The following SLC25A48 variants were observed in gnomAD, a reference collection of about 807,000 sequenced individuals.
SLC25A48 encodes the protein CTC-321K16.1.
A neutral mutation model predicts 32.2 loss-of-function variants in SLC25A48; 29 were observed. That is an observed-to-expected ratio of 0.90 (90% confidence interval 0.67 to 1.23). The LOEUF (loss-of-function observed/expected upper bound fraction) is 1.23. SLC25A48 is among the 50% of genes most tolerant of loss of function. SLC25A48 has a pLI of 0.00. For synonymous variants in SLC25A48, 164 were observed against 172.3 expected (o/e 0.95, Z 0.38); for missense variants, 399 against 422.7 (o/e 0.94, Z 0.49).
chr5:135,655,476 G>A (rs1467726079), intron 3 of SLC25A48, among the ~76,000 whole-genome samples: 1 of 152,088 alleles, frequency 6.6e-6, no homozygotes, highest in Non-Finnish European at 1.5e-5. Flanking sequence ...TTTGTCTATC[G>A]CGTCTAATTC....
rs1240317103 is a variant in SLC25A48 at position 135,779,513 on chromosome 5, G to GCACTCTAATAA, written c.-520-33010_-520-33009insCACTCTAATAA. ...GATGATATTACTCCCAATATTGCAG[G>GCACTCTAATAA]GGGTGTACATGCCCCCCTGTGATAT... On this transcript the variant is annotated intron_variant, in intron 3 of 10. Coordinates refer to the SLC25A48 transcript ENST00000646290. Among the ~76,000 whole-genome samples the GCACTCTAATAA allele has an allele frequency of 8.6e-3, 1,038 of 120,548 alleles. 92 individuals are homozygous for GCACTCTAATAA. The highest frequency in any genetic ancestry group is 0.022 in the Middle Eastern group (5 of 224). 79.1% of individuals were successfully genotyped at this position (120,548 alleles called of 152,430 possible).
chr5:135,770,037 T>A (rs1756363085), intron 3 of SLC25A48, among the ~76,000 whole-genome samples: 1 of 151,436 alleles, frequency 6.6e-6, no homozygotes, highest in African/African-American at 2.4e-5. Flanking sequence ...TTACTCCCAA[T>A]ATTGAAAGGA....
intron 3 of SLC25A48, among the ~76,000 whole-genome samples, chr5:135,696,119 A>T (rs557775801): frequency 3.7e-4 from 57 of 152,352 alleles, no homozygotes; most frequent in African/African-American, 1.3e-3. Flanking sequence ...CAACACATGC[A>T]CAGAAAGTGC....
At chr5:135,747,230 A>G (rs536755512) in intron 3 of SLC25A48, among the ~76,000 whole-genome samples, 5 of 151,756 alleles carry the variant, frequency 3.3e-5, no homozygotes, top group Admixed American at 6.6e-5. Flanking sequence ...TTGATGTAAT[A>G]TATATAACTA....
rs62364741 is a variant in SLC25A48, at chr5:135,858,737, G to A, written c.421+5916G>A. Among the ~76,000 whole-genome samples, 913 of 152,332 alleles carry A rather than the reference G, an allele frequency of 6.0e-3. 3 individuals carry two copies. The highest frequency in any genetic ancestry group is 0.013 in the South Asian group (64 of 4,830). ...AACATTGGGCCACCTGGGCCTTTGC[G>A]CAAAATTGTCATGCACACAAATAGC... On this transcript the variant is annotated intron_variant, in intron 4 of 7. Transcript: ENST00000681962.
intron 3 of SLC25A48, among the ~76,000 whole-genome samples, chr5:135,708,982 A>C (rs773268671): frequency 8.5e-5 from 13 of 152,186 alleles, no homozygotes; most frequent in Non-Finnish European, 1.8e-4. Flanking sequence ...TAGTGTTTTT[A>C]TTTAGGCTGC....
chr5:135,871,784 T>G, intron 5 of SLC25A48, 66 bp downstream of exon 5: 1 of 1,592,766 alleles, frequency 6.3e-7, no homozygotes. Context: ...GCTGGGGAAC[T>G]GCCATGCCCT....
chr5:135,683,728 CTAG>C (rs1435802943), intron 3 of SLC25A48, among the ~76,000 whole-genome samples: 4 of 152,204 alleles, frequency 2.6e-5, no homozygotes, highest in African/African-American at 9.7e-5. Context: ...CTTACAGTTT[CTAG>C]TCCTTCTAAT....
At chr5:135,580,404 G>A (rs1751205285) in intron 1 of SLC25A48, among the ~76,000 whole-genome samples, 3 of 152,210 alleles carry the variant, frequency 2.0e-5, no homozygotes, top group South Asian at 4.1e-4. Context: ...TATGCCATCA[G>A]CCTGGCAGTT....
intron 1 of SLC25A48, among the ~76,000 whole-genome samples, chr5:135,594,419 C>G (rs1216884809): frequency 6.6e-6 from 1 of 152,166 alleles, no homozygotes; most frequent in African/African-American, 2.4e-5. Flanking sequence ...AGGACTCTGG[C>G]GCCAGAGAAC....
intron 1 of SLC25A48, among the ~76,000 whole-genome samples, chr5:135,583,008 G>A (rs1751267981): frequency 6.6e-6 from 1 of 152,180 alleles, no homozygotes; most frequent in African/African-American, 2.4e-5. Flanking sequence ...GTGTCTGTGG[G>A]TGTCTGTCTT....
intron 3 of SLC25A48, among the ~76,000 whole-genome samples, chr5:135,679,213 T>C (rs919257542): frequency 2.6e-4 from 40 of 151,982 alleles, no homozygotes; most frequent in Non-Finnish European, 4.9e-4. Context: ...AGGTGGGACA[T>C]GTGGGTGGGT....
At position 135,750,375 on chromosome 5, in the gene SLC25A48, T is replaced by C. The variant is rs1353603749; in HGVS notation, c.-520-62148T>C. On this transcript the variant is annotated intron_variant, in intron 3 of 10. Transcript: ENST00000646290. ...TGGCTTCATTCGACTGGGGGTTGGC[T>C]GGAAGGTCCCAAATGGCCTCACTCT... Among the ~76,000 whole-genome samples the C allele has an allele frequency of 5.9e-5, 9 of 152,306 alleles. No homozygotes were observed. The East Asian group carries it at 1.5e-3, about 26-fold the overall frequency.
chr5:135,691,114 G>T (rs1053719523), intron 3 of SLC25A48, among the ~76,000 whole-genome samples: 1 of 152,158 alleles, frequency 6.6e-6, no homozygotes, highest in Non-Finnish European at 1.5e-5. Flanking sequence ...TCCGTTTCCC[G>T]TCACACATTC....
At chr5:135,881,463 C>T (rs1286781444) in intron 7 of SLC25A48, among the ~76,000 whole-genome samples, 2 of 152,240 alleles carry the variant, frequency 1.3e-5, no homozygotes, top group African/African-American at 2.4e-5. Flanking sequence ...AAATGCTCTC[C>T]ACTTTTTGCT....
chr5:135,591,488 C>T (rs1171628924), intron 1 of SLC25A48, among the ~76,000 whole-genome samples: 1 of 152,222 alleles, frequency 6.6e-6, no homozygotes, highest in East Asian at 1.9e-4. Flanking sequence ...CCTCCAATTT[C>T]AGTGGCAGCT....
At chr5:135,769,275 T>C (rs1417485405) in intron 3 of SLC25A48, among the ~76,000 whole-genome samples, 1 of 151,056 alleles carries the variant, frequency 6.6e-6, no homozygotes, top group African/African-American at 2.4e-5. Context: ...GGGAGAATGA[T>C]ATTACTGACA....
At chr5:135,837,349 T>C (rs570718992) in intron 1 of SLC25A48, among the ~76,000 whole-genome samples, 1 of 152,262 alleles carries the variant, frequency 6.6e-6, no homozygotes, top group Non-Finnish European at 1.5e-5. Flanking sequence ...GCTGGTTTCT[T>C]TGTCCCTATA....
chr5:135,885,017 C>T (rs1185115878), intron 7 of SLC25A48, among the ~76,000 whole-genome samples: 1 of 152,086 alleles, frequency 6.6e-6, no homozygotes, highest in Admixed American at 6.5e-5. Flanking sequence ...AGGACTTTAC[C>T]ACCAATCCCA....
Sources: allele counts gnomAD v4.1 joint callset (sites outside exome capture counted in the v4.1 genomes callset), GRCh38; gene constraint gnomAD v4.1.1; transcripts MANE v1.5; gene names NCBI Gene and HGNC (gene_info 2026-07-23, HGNC 2026-07-21).